The following PPP2R2B variants were observed in gnomAD, a reference collection of about 807,000 sequenced individuals.
PPP2R2B encodes the protein protein phosphatase 2 regulatory subunit Bbeta.
In PPP2R2B, 5 loss-of-function variants were observed where a neutral mutation model predicts 46.0. That is an observed-to-expected ratio of 0.11 (90% CI 0.06 to 0.23). PPP2R2B has a LOEUF of 0.23. PPP2R2B is among the 10% of genes least tolerant of loss of function. PPP2R2B has a pLI of 1.00. For synonymous variants in PPP2R2B, 215 were observed against 206.7 expected (o/e 1.04, Z -0.34); for missense variants, 367 against 575.0 (o/e 0.64, Z 3.70).
intron 1 of PPP2R2B, among the ~76,000 whole-genome samples, chr5:146,928,517 G>A (rs1025791199): frequency 6.6e-6 from 1 of 151,958 alleles, no homozygotes; most frequent in African/African-American, 2.4e-5. Flanking sequence ...ATACCATCAG[G>A]AAATTCTGCT....
chr5:146,853,820 T>C (rs1377254793), intron 2 of PPP2R2B, among the ~76,000 whole-genome samples: 2 of 152,030 alleles, frequency 1.3e-5, no homozygotes, highest in Non-Finnish European at 2.9e-5. Context: ...TTGACTACCA[T>C]TCTCCCTGCT....
intron 5 of PPP2R2B, among the ~76,000 whole-genome samples, chr5:146,684,486 T>C (rs1178949681): frequency 6.6e-6 from 1 of 152,222 alleles, no homozygotes; most frequent in East Asian, 1.9e-4. Context: ...TCTAGCTGTG[T>C]GATCCTGATT....
chr5:146,827,999 A>AAG lies in PPP2R2B; in HGVS notation c.70+50001_70+50002dup, dbSNP rs35087951. ...ATTGGGAGTCTCCATGGCCTAGTTGAAGAGAGAGAGAGAGAGAGAGAGAGA... is the reference window on the plus strand; with the variant it reads ...ATTGGGAGTCTCCATGGCCTAGTTGAAGAGAGAGAGAGAGAGAGAGAGAGAGA... On this transcript the variant is annotated intron_variant, in intron 2 of 9. Transcript: ENST00000394411. Among the ~76,000 whole-genome samples, 402 of 148,816 alleles carry AAG rather than the reference A, an allele frequency of 2.7e-3. 1 individual carries two copies. Among genetic ancestry groups the AAG allele is most frequent in the African/African-American group, 3.7e-3 (152 of 40,576 alleles).
At chr5:146,647,654 T>G (rs1220183921) in intron 6 of PPP2R2B, among the ~76,000 whole-genome samples, 7 of 152,188 alleles carry the variant, frequency 4.6e-5, no homozygotes, top group Non-Finnish European at 1.0e-4. Flanking sequence ...CCAAGGCATC[T>G]GTCTCCCAAA....
chr5:146,731,491 A>G (rs1356785774), intron 2 of PPP2R2B, among the ~76,000 whole-genome samples: 1 of 152,212 alleles, frequency 6.6e-6, no homozygotes, highest in African/African-American at 2.4e-5. Flanking sequence ...ATTTCTGTAT[A>G]TTCTTCTCCT....
chr5:146,590,398 G>GTTTTTTTTTTTTTTTTTTTTTTT (rs1221281341), intron 9 of PPP2R2B, among the ~76,000 whole-genome samples, 172 bp from the exon 10 acceptor site: 1 of 113,420 alleles, frequency 8.8e-6, no homozygotes, highest in Non-Finnish European at 1.9e-5. Flanking sequence ...TTTTTTTTGT[G>GTTTTTTTTTTTTTTTTTTTTTTT]TTTTTTTTTT....
At chr5:147,035,859 G>T (rs1272665639) in intron 1 of PPP2R2B, among the ~76,000 whole-genome samples, 2 of 152,118 alleles carry the variant, frequency 1.3e-5, no homozygotes, top group Non-Finnish European at 2.9e-5. Context: ...CTACCTGGTT[G>T]TTTGGTACTA....
chr5:146,884,904 C>G (rs542707841), intron 1 of PPP2R2B, among the ~76,000 whole-genome samples: 1 of 152,084 alleles, frequency 6.6e-6, no homozygotes, highest in South Asian at 2.1e-4. Context: ...AAAAAATATA[C>G]CAAGAAATAC....
chr5:146,656,058 A>G (rs974846052), intron 5 of PPP2R2B, among the ~76,000 whole-genome samples: 2 of 152,190 alleles, frequency 1.3e-5, no homozygotes, highest in Non-Finnish European at 2.9e-5. Flanking sequence ...AATACTTATT[A>G]AATCCCTCCT....
chr5:146,871,052 T>C (rs962069524), intron 2 of PPP2R2B, among the ~76,000 whole-genome samples: 11 of 152,230 alleles, frequency 7.2e-5, no homozygotes, highest in Non-Finnish European at 1.5e-4. Context: ...ATCTGTGCTT[T>C]CTGCGAGATA....
At chr5:146,780,446 A>G (rs2151281608) in intron 2 of PPP2R2B, among the ~76,000 whole-genome samples, 1 of 152,356 alleles carries the variant, frequency 6.6e-6, no homozygotes, top group Non-Finnish European at 1.5e-5. Flanking sequence ...TACAGAGAAT[A>G]CAGCAGTGAA....
intron 5 of PPP2R2B, among the ~76,000 whole-genome samples, chr5:146,652,769 C>A (rs201618886): frequency 3.8e-5 from 5 of 132,320 alleles, no homozygotes; most frequent in African/African-American, 5.5e-5. Context: ...CACCCCCCCC[C>A]AAAAAGTTTT....
intron 5 of PPP2R2B, among the ~76,000 whole-genome samples, chr5:146,664,468 T>A: frequency 6.6e-6 from 1 of 151,920 alleles, no homozygotes; most frequent in East Asian, 1.9e-4. Flanking sequence ...AATTTTACCA[T>A]GAGGCTGCAG....
At chr5:147,028,356 A>AT (rs909885499) in intron 1 of PPP2R2B, among the ~76,000 whole-genome samples, 3 of 152,126 alleles carry the variant, frequency 2.0e-5, no homozygotes, top group Non-Finnish European at 1.5e-5. Context: ...CTGAATGCTG[A>AT]TTTTTTTCAC....
intron 2 of PPP2R2B, among the ~76,000 whole-genome samples, chr5:146,714,159 G>A (rs1193253557): frequency 6.6e-6 from 1 of 152,134 alleles, no homozygotes; most frequent in Non-Finnish European, 1.5e-5. Flanking sequence ...GAAACGTAAT[G>A]TCCTGGAAAC....
chr5:146,836,469 C>T (rs972280763), intron 2 of PPP2R2B, among the ~76,000 whole-genome samples: 1 of 152,158 alleles, frequency 6.6e-6, no homozygotes, highest in Admixed American at 6.6e-5. Flanking sequence ...ACGAACTGGA[C>T]TCCACTTGTA....
intron 2 of PPP2R2B, among the ~76,000 whole-genome samples, chr5:146,853,998 T>C (rs1760499223): frequency 6.6e-6 from 1 of 152,052 alleles, no homozygotes; most frequent in Admixed American, 6.6e-5. Context: ...TGTTGTCCTG[T>C]ATGTGTCCCC....
At chr5:146,680,650 C>T (rs915975111) in intron 5 of PPP2R2B, among the ~76,000 whole-genome samples, 8 of 152,110 alleles carry the variant, frequency 5.3e-5, no homozygotes, top group African/African-American at 1.9e-4. Context: ...GCTAGGGTTT[C>T]CTATATTACT....
At chr5:146,945,616 C>T (rs959504169) in intron 1 of PPP2R2B, among the ~76,000 whole-genome samples, 1 of 152,028 alleles carries the variant, frequency 6.6e-6, no homozygotes, top group East Asian at 1.9e-4. Context: ...GGCTGTGTGC[C>T]CAGGGTGCAC....
Sources: gnomAD v4.1 joint callset for allele counts (sites outside exome capture counted in the v4.1 genomes callset) on GRCh38, gnomAD v4.1.1 for gene constraint, MANE v1.5 for transcripts, NCBI Gene and HGNC (gene_info 2026-07-23, HGNC 2026-07-21) for gene names.